Variants in DENND4C observed in about 807,000 individuals in gnomAD.
DENND4C encodes DENN domain-containing protein 4C.
DENND4C carries 108 observed loss-of-function variants against 203.0 expected under a neutral mutation model. That is an observed-to-expected ratio of 0.53 (90% CI 0.46 to 0.62). The LOEUF (loss-of-function observed/expected upper bound fraction) is 0.62, where lower values mean the gene tolerates loss of function less well. Ranked by LOEUF, DENND4C falls within the 20% of genes least tolerant of loss-of-function variation. DENND4C has a pLI of 0.00. For missense variants in DENND4C, 2,481 were observed against 2,301.2 expected, an observed-to-expected ratio of 1.08 and a Z score of -1.60; for synonymous variants, 871 against 792.4, an observed-to-expected ratio of 1.10 and a Z score of -1.67.
At position 19,346,428 on chromosome 9, in the gene DENND4C, T is replaced by C. The variant is rs199739824; in HGVS notation, c.3659T>C (p.Leu1220Ser). 22 of 1,614,020 alleles carry C rather than the reference T, an allele frequency of 1.4e-5. No homozygotes were observed. Among genetic ancestry groups the C allele is most frequent in the Non-Finnish European group, 1.7e-5 (20 of 1,180,020 alleles). The change falls in exon 23 of 33, where the codon TTG becomes TCG. Residue 1220 changes from leucine to serine, a missense_variant. Physicochemically the swap from Leu to Ser is moderately radical, Grantham distance 145. This residue lies in a region of DENND4C where 2,289 missense variants were observed against 2,113.3 expected (regional missense o/e 1.08). Transcript: ENST00000434457. ...AGTAACAGTAATCAGTCCAGAGACT[T>C]GAAAACAGTATCCAAAGATCTGAGG... ...SDSNSNQSRDLKTVSKDLRNK... is the reference protein window; with the variant it reads ...SDSNSNQSRDSKTVSKDLRNK...
chr9:19,296,422 T>C (rs979895171), intron 6 of DENND4C, among the ~76,000 whole-genome samples, 176 bp downstream of exon 6: 1 of 150,652 alleles, frequency 6.6e-6, no homozygotes, highest in African/African-American at 2.4e-5. Flanking sequence ...TGGAGTGCAG[T>C]GGTGTGATCT....
intron 10 of DENND4C, among the ~76,000 whole-genome samples, chr9:19,310,522 T>A (rs1372033524): frequency 6.6e-6 from 1 of 152,252 alleles, no homozygotes; most frequent in Non-Finnish European, 1.5e-5. Flanking sequence ...GTATGGTCCT[T>A]AAAGCCTAAA....
At chr9:19,257,892 G>C (rs1030992645) in intron 1 of DENND4C, among the ~76,000 whole-genome samples, 22 of 152,172 alleles carry the variant, frequency 1.4e-4, no homozygotes, top group Non-Finnish European at 2.9e-4. Context: ...CACTTTGGGA[G>C]GGGGAGAATC....
At chr9:19,313,387 T>A (rs531109935) in intron 10 of DENND4C, among the ~76,000 whole-genome samples, 4 of 152,236 alleles carry the variant, frequency 2.6e-5, no homozygotes, top group African/African-American at 9.6e-5. Context: ...AGTCCTCATT[T>A]TGCAGATCAG....
chr9:19,346,208 C>T lies in DENND4C; in HGVS notation c.3439C>T (p.His1147Tyr), dbSNP rs1822851197. Reference sequence around the variant, plus strand: ...TTCTCTACTTCATATTGCAAGAACCCATAGCTTTGAGAATGTTAGCTGTCA... The same window carrying T: ...TTCTCTACTTCATATTGCAAGAACCTATAGCTTTGAGAATGTTAGCTGTCA... Reference protein sequence around the residue: ...KTSLLHIARTHSFENVSCHLP... With the variant: ...KTSLLHIARTYSFENVSCHLP... Residue 1147 changes from histidine (H) to tyrosine (Y), a missense_variant, in exon 23 of 33, where the codon CAT (histidine) becomes TAT (tyrosine). Physicochemically the swap from His to Tyr is moderately conservative, Grantham distance 83. Transcript: ENST00000434457. 1 of 1,614,156 alleles carries T rather than the reference C, an allele frequency of 6.2e-7. No individual in the cohort carries two copies. Among genetic ancestry groups the T allele is most frequent in the Admixed American group, 1.7e-5 (1 of 60,020 alleles).
At chr9:19,337,493 T>C (rs1172052210) in intron 20 of DENND4C, 1 of 464,734 alleles carries the variant, frequency 2.2e-6, no homozygotes, top group Admixed American at 5.3e-5. Context: ...GATGAACTTG[T>C]CTCAATGACT....
intron 1 of DENND4C, among the ~76,000 whole-genome samples, chr9:19,272,762 A>T (rs1831995636): frequency 6.6e-6 from 1 of 151,318 alleles, no homozygotes. Flanking sequence ...ATGTTTTTTT[A>T]TTTTTATTTT....
rs370472640 is a variant in DENND4C, at chr9:19,310,559, A to G, written c.1487+5032A>G. On this transcript the variant is annotated intron_variant, in intron 10 of 32. Transcript: ENST00000434457. Reference sequence around the variant, plus strand: ...TATTTACTGTCTGGTTCTTTCAGTAAAAATTTGCCTATCCTTCCTCTAGAG... The same window carrying G: ...TATTTACTGTCTGGTTCTTTCAGTAGAAATTTGCCTATCCTTCCTCTAGAG... Among the ~76,000 whole-genome samples, 8 of 152,344 alleles carry G rather than the reference A, an allele frequency of 5.3e-5. No individual in the cohort carries two copies. The East Asian group carries it at 1.3e-3, about 26-fold the overall frequency.
rs575584659 is a variant in DENND4C, at chr9:19,315,728, CAT to C, written c.1488-687_1488-686del. On this transcript the variant is annotated intron_variant, in intron 10 of 32. Transcript: ENST00000434457. ...GGGGTTTTTTTTTTTCTTTTTGAGA[CAT>C]AGTCTTGCTCTGTTGCCCAAGCCTG... is the stretch of plus-strand genomic sequence containing the variant. Among the ~76,000 whole-genome samples the C allele has an allele frequency of 1.3e-4, 19 of 149,484 alleles. No homozygotes were observed. The South Asian group carries it at 4.0e-3, about 31-fold the overall frequency.
At chr9:19,246,118 G>A (rs193039425) in intron 1 of DENND4C, among the ~76,000 whole-genome samples, 1 of 150,744 alleles carries the variant, frequency 6.6e-6, no homozygotes, top group East Asian at 1.9e-4. Context: ...AAAAATTTCA[G>A]TAAGTATTAG....
chr9:19,359,919 T>G (rs1339337121), intron 28 of DENND4C, among the ~76,000 whole-genome samples: 3 of 152,192 alleles, frequency 2.0e-5, no homozygotes, highest in Admixed American at 2.0e-4. Flanking sequence ...TTTACACACA[T>G]ACATTACTAT....
At chr9:19,267,089 G>T (rs1220581628) in intron 1 of DENND4C, among the ~76,000 whole-genome samples, 1 of 152,112 alleles carries the variant, frequency 6.6e-6, no homozygotes, top group Non-Finnish European at 1.5e-5. Context: ...ATATTCTGCA[G>T]CCGTTAGATG....
At chr9:19,237,764 C>T (rs553591584) in intron 1 of DENND4C, among the ~76,000 whole-genome samples, 20 of 152,226 alleles carry the variant, frequency 1.3e-4, no homozygotes, top group Admixed American at 1.2e-3. Flanking sequence ...TAGATTAATG[C>T]TATCCTCTAG....
intron 19 of DENND4C, 80 bp downstream of exon 19, chr9:19,336,494 AGAAAAC>A: frequency 2.0e-6 from 3 of 1,496,390 alleles, no homozygotes; most frequent in Non-Finnish European, 2.7e-6. Context: ...TATGTGAAGT[AGAAAAC>A]TTAAATTCCG....
At chr9:19,367,022 T>C (rs989853368) in intron 30 of DENND4C, among the ~76,000 whole-genome samples, 2 of 152,222 alleles carry the variant, frequency 1.3e-5, no homozygotes, top group African/African-American at 4.8e-5. Context: ...AACCCATTTT[T>C]AAAATGAGCA....
intron 16 of DENND4C, among the ~76,000 whole-genome samples, chr9:19,328,785 A>G (rs1445950881): frequency 6.6e-6 from 1 of 151,614 alleles, no homozygotes; most frequent in African/African-American, 2.4e-5. Flanking sequence ...GCAGTGGCTC[A>G]CCCCTGTAAT....
chr9:19,305,285 C>T, intron 9 of DENND4C, 67 bp from the exon 10 acceptor site: 1 of 1,378,506 alleles, frequency 7.3e-7, no homozygotes, highest in Non-Finnish European at 9.9e-7. Flanking sequence ...TTCAGTAATA[C>T]TAGTTACTTA....
intron 17 of DENND4C, among the ~76,000 whole-genome samples, chr9:19,333,614 C>A (rs1563813331): frequency 6.6e-6 from 1 of 152,112 alleles, no homozygotes. Flanking sequence ...TTAGTTAAAT[C>A]AGTTAATATA....
rs985763392 is a variant in DENND4C at position 19,231,991 on chromosome 9, G to C, written c.-18+1158G>C. On this transcript the variant is annotated intron_variant, in intron 1 of 32. Coordinates refer to ENST00000434457, the MANE Select transcript of DENND4C (RefSeq NM_001330640.2). ...TGTGATAGTGTGTATTACTCTATCA[G>C]AAATGCAGAGCGTTGTATGATTTTT... 1.5e-4 allele frequency among the ~76,000 whole-genome samples: 23 copies of C among 152,258 alleles called. 2 individuals carry two copies. Among genetic ancestry groups the C allele is most frequent in the Admixed American group, 5.2e-4 (8 of 15,288 alleles).
Sources: allele counts gnomAD v4.1 joint callset (sites outside exome capture counted in the v4.1 genomes callset), GRCh38; gene constraint gnomAD v4.1.1; regional missense constraint gnomAD v4.1.1; transcripts MANE v1.5; gene names NCBI Gene and HGNC (gene_info 2026-07-23, HGNC 2026-07-21).